CNNM2: variants seen among roughly 807,000 people sequenced by gnomAD.
CNNM2 encodes the protein metal transporter CNNM2.
A neutral mutation model predicts 66.9 loss-of-function variants in CNNM2; 12 were observed. That is an observed-to-expected ratio of 0.18 (90% CI 0.11 to 0.29). The LOEUF (loss-of-function observed/expected upper bound fraction) is 0.29. CNNM2 is among the 10% of genes least tolerant of loss of function. The pLI is 1.00. For synonymous variants in CNNM2, 557 were observed against 501.8 expected (o/e 1.11, Z -1.47); for missense variants, 705 against 1,167.7 (o/e 0.60, Z 5.77).
chr10:103,025,360 A>AT (rs1377484903), intron 1 of CNNM2, among the ~76,000 whole-genome samples: 2 of 152,232 alleles, frequency 1.3e-5, no homozygotes, highest in African/African-American at 4.8e-5. Flanking sequence ...AATTGCTGGG[A>AT]TTACAGGCGT....
intron 2 of CNNM2, among the ~76,000 whole-genome samples, chr10:103,052,887 G>T (rs1428156940): frequency 3.3e-5 from 5 of 152,164 alleles, no homozygotes; most frequent in African/African-American, 1.2e-4. Context: ...TTTAAATTCT[G>T]TATTGATTTC....
intron 1 of CNNM2, among the ~76,000 whole-genome samples, chr10:102,972,234 AT>A (rs2063556485): frequency 6.6e-6 from 1 of 152,114 alleles, no homozygotes; most frequent in South Asian, 2.1e-4. Context: ...ATTTAGGGGA[AT>A]TTTTTTCAGC....
At chr10:102,941,204 C>G (rs1846419222) in intron 1 of CNNM2, among the ~76,000 whole-genome samples, 2 of 152,162 alleles carry the variant, frequency 1.3e-5, no homozygotes, top group African/African-American at 4.8e-5. Flanking sequence ...TAACTTTCAT[C>G]TTACCAGTTT....
chr10:102,982,472 CCTT>C (rs1590345776), intron 1 of CNNM2, among the ~76,000 whole-genome samples: 4 of 152,214 alleles, frequency 2.6e-5, no homozygotes, highest in African/African-American at 7.2e-5. Context: ...GAAGTGTGTT[CCTT>C]CTTCAAGGAT....
chr10:102,998,411 A>G (rs1564838623), intron 1 of CNNM2, among the ~76,000 whole-genome samples: 2 of 152,210 alleles, frequency 1.3e-5, no homozygotes, highest in Non-Finnish European at 2.9e-5. Flanking sequence ...TGCAGCTCAA[A>G]TGTATTCTAG....
At chr10:102,988,034 C>T (rs1237926058) in intron 1 of CNNM2, among the ~76,000 whole-genome samples, 2 of 152,202 alleles carry the variant, frequency 1.3e-5, no homozygotes, top group Admixed American at 6.5e-5. Flanking sequence ...CATGGTGGCT[C>T]ATGCCTGTAA....
intron 4 of CNNM2, among the ~76,000 whole-genome samples, chr10:103,060,428 G>A (rs1250619396): frequency 6.6e-6 from 1 of 151,930 alleles, no homozygotes; most frequent in Non-Finnish European, 1.5e-5. Context: ...AGGAGTGGTG[G>A]CAGCTACTCA....
In CNNM2 at chr10:103,025,162, G is replaced by A. The variant is rs968593129; in HGVS notation, c.1622-24545G>A. 2.0e-5 allele frequency among the ~76,000 whole-genome samples: 3 copies of A among 152,132 alleles called. No individual in the cohort carries two copies. In the South Asian group the frequency reaches 6.2e-4, roughly 32 times the overall value. On this transcript the variant is annotated intron_variant, in intron 1 of 7. Coordinates refer to ENST00000369878, the MANE Select transcript of CNNM2 (RefSeq NM_017649.5). ...GCTGGAGTGCAGTGGCGTGATCTCC[G>A]CTCGCGGCAACCTCCAACTCCCTGG...
intron 1 of CNNM2, among the ~76,000 whole-genome samples, chr10:102,956,989 T>C (rs1418553028): frequency 6.6e-6 from 1 of 152,074 alleles, no homozygotes; most frequent in South Asian, 2.1e-4. Context: ...ATAGTAATAA[T>C]AATAATTTTT....
At chr10:102,955,610 T>A (rs1446521768) in intron 1 of CNNM2, among the ~76,000 whole-genome samples, 3 of 152,196 alleles carry the variant, frequency 2.0e-5, no homozygotes, top group Non-Finnish European at 4.4e-5. Flanking sequence ...GGAGAAAATT[T>A]TTGCAATCTA....
chr10:102,960,145 A>G (rs1393349695), intron 1 of CNNM2, among the ~76,000 whole-genome samples: 1 of 152,220 alleles, frequency 6.6e-6, no homozygotes, highest in East Asian at 1.9e-4. Context: ...GAAATAATCC[A>G]TGTGAAGAGC....
intron 4 of CNNM2, among the ~76,000 whole-genome samples, chr10:103,060,819 GT>G (rs1271298118): frequency 6.6e-6 from 1 of 152,108 alleles, no homozygotes; most frequent in African/African-American, 2.4e-5. Context: ...TCCTTGCATA[GT>G]TTAAATTTCT....
chr10:103,008,465 A>C (rs1383047418), intron 1 of CNNM2, among the ~76,000 whole-genome samples: 1 of 152,210 alleles, frequency 6.6e-6, no homozygotes, highest in Non-Finnish European at 1.5e-5. Flanking sequence ...ATACTCTGTC[A>C]GAAATTAAAT....
intron 4 of CNNM2, among the ~76,000 whole-genome samples, chr10:103,062,454 A>C (rs1354188845): frequency 6.6e-6 from 1 of 152,198 alleles, no homozygotes; most frequent in Non-Finnish European, 1.5e-5. Context: ...CACAGATAAC[A>C]CACCCATTTT....
intron 1 of CNNM2, among the ~76,000 whole-genome samples, chr10:102,963,069 G>T (rs2063409579): frequency 6.6e-6 from 1 of 152,102 alleles, no homozygotes; most frequent in African/African-American, 2.4e-5. Context: ...CTGAGAGCTT[G>T]CATCTGAAAT....
chr10:103,019,856 C>G (rs541976715), intron 1 of CNNM2, among the ~76,000 whole-genome samples: 1 of 152,150 alleles, frequency 6.6e-6, no homozygotes, highest in East Asian at 1.9e-4. Flanking sequence ...AAGAGACTTT[C>G]AAGACTTAAG....
intron 1 of CNNM2, among the ~76,000 whole-genome samples, chr10:102,988,889 T>C (rs1365095237): frequency 6.6e-6 from 1 of 152,184 alleles, no homozygotes; most frequent in Non-Finnish European, 1.5e-5. Context: ...CCTTAGTTGC[T>C]CTAGAAGTCA....
intron 4 of CNNM2, among the ~76,000 whole-genome samples, chr10:103,061,640 A>T (rs976978949): frequency 6.6e-6 from 1 of 152,228 alleles, no homozygotes; most frequent in African/African-American, 2.4e-5. Context: ...ATGATAGTCA[A>T]TTGCATTCTT....
At chr10:103,042,209 G>T (rs1329902412) in intron 1 of CNNM2, among the ~76,000 whole-genome samples, 1 of 152,090 alleles carries the variant, frequency 6.6e-6, no homozygotes, top group East Asian at 1.9e-4. Flanking sequence ...AATCCTGCTG[G>T]CTCTTTCTGA....
Sources: allele counts gnomAD v4.1 joint callset (sites outside exome capture counted in the v4.1 genomes callset), GRCh38; gene constraint gnomAD v4.1.1; transcripts MANE v1.5; gene names NCBI Gene and HGNC (gene_info 2026-07-23, HGNC 2026-07-21).